BLTP3A: variants seen among roughly 807,000 people sequenced by gnomAD.
BLTP3A encodes ICBP90 binding protein 1.
At chr6:34,862,077 T>C in the BLTP3A span, among the ~76,000 whole-genome samples, 2 of 152,182 alleles carry the variant, frequency 1.3e-5, no homozygotes, top group Admixed American at 6.5e-5. Context: ...AATCTTTCTT[T>C]AGAATAAAAA....
At chr6:34,863,866 A>G in the BLTP3A span, 1 of 770,778 alleles carries the variant, frequency 1.3e-6, no homozygotes, top group Non-Finnish European at 2.0e-6. Context: ...GTAATAGGTA[A>G]TGTCAAAGTT....
the BLTP3A span, among the ~76,000 whole-genome samples, chr6:34,852,097 C>T: frequency 1.3e-5 from 2 of 152,038 alleles, no homozygotes; most frequent in Admixed American, 6.5e-5. Flanking sequence ...ACCCCAGGAG[C>T]CTGCTTTGTA....
chr6:34,847,655 CTGAT>C, the BLTP3A span, among the ~76,000 whole-genome samples: 1 of 151,324 alleles, frequency 6.6e-6, no homozygotes, highest in African/African-American at 2.4e-5. Context: ...TTTTTTGTCT[CTGAT>C]TTTATTTATT....
chr6:34,821,892 C>T, the BLTP3A span: 1 of 1,614,226 alleles, frequency 6.2e-7, no homozygotes, highest in South Asian at 1.1e-5. Context: ...TACCACAGCC[C>T]TGAGACTTTG....
chr6:34,855,791 G>A, the BLTP3A span: 2 of 1,585,120 alleles, frequency 1.3e-6, no homozygotes, highest in South Asian at 1.1e-5. Context: ...CGCTTAACAG[G>A]AGGTTGCCAG....
the BLTP3A span, among the ~76,000 whole-genome samples, chr6:34,835,101 G>A: frequency 1.3e-5 from 2 of 152,176 alleles, no homozygotes; most frequent in East Asian, 1.9e-4. Context: ...ATAGGCACCT[G>A]GCAGTTGACT....
At chr6:34,855,818 T>C in the BLTP3A span, 22 of 1,537,838 alleles carry the variant, frequency 1.4e-5, no homozygotes, top group East Asian at 4.6e-4. Context: ...CAGTGCATGC[T>C]CAGAGGGGTG....
the BLTP3A span, among the ~76,000 whole-genome samples, chr6:34,801,616 A>C: frequency 6.6e-6 from 1 of 152,192 alleles, no homozygotes; most frequent in African/African-American, 2.4e-5. Context: ...ATGTCGTTAG[A>C]TGTTTATGTA....
At chr6:34,823,725 G>A in the BLTP3A span, among the ~76,000 whole-genome samples, 6 of 151,432 alleles carry the variant, frequency 4.0e-5, no homozygotes, top group African/African-American at 1.2e-4. Context: ...TGTAGCGATG[G>A]TGTCTCACTA....
the BLTP3A span, among the ~76,000 whole-genome samples, chr6:34,812,066 T>A: frequency 6.6e-6 from 1 of 151,526 alleles, no homozygotes; most frequent in African/African-American, 2.4e-5. Context: ...CAGTGGCTCA[T>A]GCCTGTAATT....
the BLTP3A span, among the ~76,000 whole-genome samples, chr6:34,841,858 T>C: frequency 6.6e-6 from 1 of 152,136 alleles, no homozygotes; most frequent in Non-Finnish European, 1.5e-5. Flanking sequence ...AGAAGATTGG[T>C]GATTGATGGG....
At chr6:34,836,710 G>C in the BLTP3A span, among the ~76,000 whole-genome samples, 1 of 152,136 alleles carries the variant, frequency 6.6e-6, no homozygotes, top group Non-Finnish European at 1.5e-5. Flanking sequence ...GGTTGAAAAC[G>C]ACTAGGGTGA....
the BLTP3A span, among the ~76,000 whole-genome samples, chr6:34,808,142 G>A: frequency 6.6e-6 from 1 of 151,830 alleles, no homozygotes; most frequent in Admixed American, 6.6e-5. Context: ...TCAGAAGTGC[G>A]AGACCAGCCT....
chr6:34,817,715 G>T, the BLTP3A span, among the ~76,000 whole-genome samples: 1 of 152,160 alleles, frequency 6.6e-6, no homozygotes, highest in Non-Finnish European at 1.5e-5. Flanking sequence ...TGGTAAGCAG[G>T]CCTGTTCTTT....
the BLTP3A span, chr6:34,834,213 G>T: frequency 1.2e-6 from 2 of 1,613,220 alleles, no homozygotes; most frequent in East Asian, 2.2e-5. Context: ...CTCATTTGTT[G>T]TAGTGAATAT....
chr6:34,811,315 G>T, the BLTP3A span, among the ~76,000 whole-genome samples: 1 of 152,132 alleles, frequency 6.6e-6, no homozygotes, highest in African/African-American at 2.4e-5. Context: ...ACCTAGAATG[G>T]TCAGAATAAT....
chr6:34,814,952 G>A, the BLTP3A span, among the ~76,000 whole-genome samples: 1 of 152,132 alleles, frequency 6.6e-6, no homozygotes, highest in Admixed American at 6.5e-5. Context: ...ATATTAAAAT[G>A]TTAGTAGAAG....
the BLTP3A span, among the ~76,000 whole-genome samples, chr6:34,850,831 G>A: frequency 6.6e-6 from 1 of 152,028 alleles, no homozygotes; most frequent in African/African-American, 2.4e-5. Context: ...TGAGTGGCTA[G>A]GACTACAGGC....
At chr6:34,834,180 C>T in the BLTP3A span, 1 of 1,598,630 alleles carries the variant, frequency 6.3e-7, no homozygotes, top group Non-Finnish European at 8.6e-7. Flanking sequence ...GAAAGTCTCC[C>T]ATAATTCTGA....
Sources: gnomAD v4.1 joint callset for allele counts (sites outside exome capture counted in the v4.1 genomes callset) on GRCh38, gnomAD v4.1.1 for gene constraint, MANE v1.5 for transcripts, NCBI Gene and HGNC (gene_info 2026-07-23, HGNC 2026-07-21) for gene names.